The following ATAD2 variants were observed in gnomAD, a reference collection of about 807,000 sequenced individuals.
The protein encoded by ATAD2 is ATPase family AAA domain-containing protein 2.
In ATAD2, 62 loss-of-function variants were observed where a neutral mutation model predicts 168.9. The ratio of observed to expected loss-of-function variants is 0.37; its 90% CI spans 0.30 to 0.45. The LOEUF (loss-of-function observed/expected upper bound fraction) is 0.45. Among genes scored for constraint, ATAD2 ranks in the 20% least tolerant of loss-of-function variants. ATAD2 has a pLI of 1.00. For missense variants in ATAD2, 1,419 were observed against 1,667.8 expected (o/e 0.85, Z 2.60); for synonymous variants, 613 against 571.6 (o/e 1.07, Z -1.03).
intron 26 of ATAD2, among the ~76,000 whole-genome samples, chr8:123,324,848 A>G (rs1827564618): frequency 6.6e-6 from 1 of 152,168 alleles, no homozygotes. Context: ...AGCAACAGAT[A>G]ACCTGACAGC....
At chr8:123,376,491 G>A (rs979927202) in intron 2 of ATAD2, among the ~76,000 whole-genome samples, 2 of 151,916 alleles carry the variant, frequency 1.3e-5, no homozygotes, top group African/African-American at 4.8e-5. Flanking sequence ...GAACCTGGGA[G>A]GCAGAGGTTG....
At chr8:123,350,729 T>C (rs1828424782) in intron 13 of ATAD2, among the ~76,000 whole-genome samples, 2 of 151,854 alleles carry the variant, frequency 1.3e-5, no homozygotes, top group Non-Finnish European at 2.9e-5. Flanking sequence ...GAAGCTTTTT[T>C]TTTCTTTTTT....
At chr8:123,390,101 C>G (rs1237329396) in intron 1 of ATAD2, among the ~76,000 whole-genome samples, 1 of 150,826 alleles carries the variant, frequency 6.6e-6, no homozygotes, top group Non-Finnish European at 1.5e-5. Context: ...GCCTCAGCCT[C>G]CCCGGCACCT....
At position 123,337,709 on chromosome 8, in the gene ATAD2, C is replaced by T; in HGVS notation, c.2967G>A (p.Leu989=). 6.2e-7 allele frequency: 1 copy of T among 1,613,826 alleles called. No individual in the cohort carries two copies. The highest frequency in any genetic ancestry group is 8.5e-7 in the Non-Finnish European group (1 of 1,179,886). Reference sequence around the variant, plus strand: ...GTGTAACATTTCTTAAGAAAATCCTCAGTTCTCTAAATGTATCTTCTTCTT... The same window carrying T: ...GTGTAACATTTCTTAAGAAAATCCTTAGTTCTCTAAATGTATCTTCTTCTT... ...EEQEEDTFRE[L]RIFLRNVTHR... is the part of the protein sequence containing the mutation. The change falls in exon 21 of 28, where the codon CTG becomes CTA. Residue 989 remains leucine, a synonymous_variant. Coordinates refer to ENST00000287394, the MANE Select transcript of ATAD2 (RefSeq NM_014109.4).
rs180727752 is a variant in ATAD2 at position 123,354,433 on chromosome 8, C to T, written c.1646+1956G>A. ...AAATGTAGCTATATTTGGCCAGGCGCGGTGGCTCATGCCTGTAATCCCAGC... is the reference window on the plus strand; with the variant it reads ...AAATGTAGCTATATTTGGCCAGGCGTGGTGGCTCATGCCTGTAATCCCAGC... On this transcript the variant is annotated intron_variant, in intron 13 of 27. Coordinates refer to ENST00000287394, the MANE Select transcript of ATAD2 (RefSeq NM_014109.4). Among the ~76,000 whole-genome samples, 151 of 151,560 alleles carry T rather than the reference C, an allele frequency of 1.0e-3. 1 individual carries two copies. The highest frequency in any genetic ancestry group is 3.4e-3 in the Middle Eastern group (1 of 292).
intron 4 of ATAD2, 116 bp downstream of exon 4, chr8:123,371,554 G>A (rs1036159802): frequency 2.2e-5 from 21 of 944,842 alleles, no homozygotes; most frequent in Non-Finnish European, 3.1e-5. Context: ...TCATTCTCCT[G>A]TACGCTTTAC....
At chr8:123,379,888 T>C (rs1281990328) in intron 2 of ATAD2, among the ~76,000 whole-genome samples, 1 of 122,142 alleles carries the variant, frequency 8.2e-6, no homozygotes, top group Admixed American at 9.6e-5. Context: ...ATTATTATTA[T>C]TATTTTTTTT....
chr8:123,407,094 C>T (rs1442201391), intron 1 of ATAD2, among the ~76,000 whole-genome samples: 1 of 152,088 alleles, frequency 6.6e-6, no homozygotes, highest in Non-Finnish European at 1.5e-5. Context: ...GCAGAGATTG[C>T]AGTGATGTGT....
At chr8:123,355,487 T>C (rs1358011353) in intron 13 of ATAD2, among the ~76,000 whole-genome samples, 1 of 152,202 alleles carries the variant, frequency 6.6e-6, no homozygotes, top group African/African-American at 2.4e-5. Context: ...AAGTGCTCCC[T>C]TGGATAAGCA....
rs112605150 is a variant in ATAD2 at position 123,402,085 on chromosome 8, C to T, written c.-2281-910G>A. The T allele has an allele frequency of 4.6e-3, 5,804 of 1,274,762 alleles. 185 individuals are homozygous for T. In the African/African-American group the frequency reaches 0.073, roughly 16 times the overall value. The allele number at this position is 1,274,762 out of a possible 1,614,324, so 79.0% of individuals were successfully genotyped here. A position where few individuals can be genotyped will look rare whatever the true frequency, so the allele number is the denominator to read the frequency against. ...TTGAGGGTGGCGTCCATGGCCTGCA[C>T]TCTTAGGAGAAGCGGCTGTACTGAC... On this transcript the variant is annotated intron_variant, in intron 1 of 28. Transcript: ENST00000521903. The surrounding 1 kb of genome is among the most constrained non-coding windows in gnomAD (Gnocchi z 4.8).
chr8:123,393,746 G>A (rs915046633), intron 1 of ATAD2, among the ~76,000 whole-genome samples: 3 of 151,766 alleles, frequency 2.0e-5, no homozygotes, highest in African/African-American at 7.3e-5. Flanking sequence ...GTGAAACACC[G>A]TCTCCACCAA....
chr8:123,411,397 G>A (rs1020388121), intron 1 of ATAD2, among the ~76,000 whole-genome samples: 5 of 152,068 alleles, frequency 3.3e-5, no homozygotes, highest in South Asian at 4.1e-4. Context: ...AGTCGTCGGC[G>A]AACCTCCCCA....
intron 1 of ATAD2, among the ~76,000 whole-genome samples, chr8:123,403,925 A>C (rs1392676163): frequency 6.6e-6 from 1 of 152,142 alleles, no homozygotes; most frequent in Non-Finnish European, 1.5e-5. Context: ...ACAGGAAGCC[A>C]CACCAGCAGG....
chr8:123,383,642 G>A (rs953935690), intron 1 of ATAD2, among the ~76,000 whole-genome samples: 3 of 151,978 alleles, frequency 2.0e-5, no homozygotes, highest in African/African-American at 7.2e-5. Context: ...GCGAGGTGGC[G>A]CATGCCTGTA....
Position 123,371,332 on chromosome 8 carries a change from A to G in ATAD2, c.543T>C (p.Ala181=). The change falls in exon 5 of 28, where the codon GCT becomes GCC. Residue 181 remains alanine (A), a synonymous_variant. Coordinates refer to ENST00000287394, the MANE Select transcript of ATAD2 (RefSeq NM_014109.4). ...MLFDKLITNT[A]EAVLQKMDDM... is the part of the protein sequence containing the mutation. Reference sequence around the variant, plus strand: ...CATCCATTTTTTGAAGTACAGCTTCAGCAGTGCTTTAAAAAAAAGATATAA... The same window carrying G: ...CATCCATTTTTTGAAGTACAGCTTCGGCAGTGCTTTAAAAAAAAGATATAA... 1 of 1,591,442 alleles carries G rather than the reference A, an allele frequency of 6.3e-7. No homozygotes were observed. Among genetic ancestry groups the G allele is most frequent in the Non-Finnish European group, 8.5e-7 (1 of 1,172,330 alleles).
intron 1 of ATAD2, among the ~76,000 whole-genome samples, chr8:123,390,360 C>G (rs1035415903): frequency 2.6e-5 from 4 of 152,122 alleles, no homozygotes; most frequent in Non-Finnish European, 5.9e-5. Flanking sequence ...ACTGTCTCAT[C>G]AGATCCCTGT....
intron 2 of ATAD2, among the ~76,000 whole-genome samples, chr8:123,373,198 T>C (rs1829200368): frequency 6.6e-6 from 1 of 151,694 alleles, no homozygotes; most frequent in South Asian, 2.1e-4. Flanking sequence ...GGCCGCTAAC[T>C]TTTAACATTT....
chr8:123,371,018 A>G (rs1829135291), intron 5 of ATAD2, 28 bp from the exon 6 acceptor site: 2 of 1,480,934 alleles, frequency 1.4e-6, no homozygotes, highest in African/African-American at 1.4e-5. Flanking sequence ...AAAGCCATTA[A>G]CATTTGGAAT....
intron 20 of ATAD2, 104 bp downstream of exon 20, chr8:123,339,207 C>T: frequency 1.9e-6 from 2 of 1,045,302 alleles, no homozygotes; most frequent in South Asian, 3.6e-5. Flanking sequence ...AACCTCATGA[C>T]TTAGGTTTTG....
Sources: allele counts gnomAD v4.1 joint callset (sites outside exome capture counted in the v4.1 genomes callset), GRCh38; gene constraint gnomAD v4.1.1; non-coding constraint Gnocchi (gnomAD v3.1); transcripts MANE v1.5; gene names NCBI Gene and HGNC (gene_info 2026-07-23, HGNC 2026-07-21).